The following SYNE2 variants were observed in gnomAD, a reference collection of about 807,000 sequenced individuals.
The protein encoded by SYNE2 is spectrin repeat containing nuclear envelope protein 2.
SYNE2 carries 431 observed loss-of-function variants against 856.3 expected under a neutral mutation model. That is an observed-to-expected ratio of 0.50 (90% CI 0.47 to 0.55). The LOEUF is 0.55. Among genes scored for constraint, SYNE2 ranks in the 20% least tolerant of loss-of-function variants. The pLI is 0.00. For synonymous variants in SYNE2, 2,923 were observed against 2,872.3 expected, an observed-to-expected ratio of 1.02 and a Z score of -0.56; for missense variants, 8,129 against 8,023.2, an observed-to-expected ratio of 1.01 and a Z score of -0.50.
rs78037438 is a variant in SYNE2 at position 64,015,818 on chromosome 14, A to G, written c.4729-655A>G. 1.4e-4 allele frequency among the ~76,000 whole-genome samples: 21 copies of G among 152,042 alleles called. No homozygotes were observed. The East Asian group carries it at 4.1e-3, about 29-fold the overall frequency. On this transcript the variant is annotated intron_variant, in intron 32 of 115. Transcript: ENST00000555002. ...ACTTTTCCTCATTTTTAATGTATGCATTTAGTGCTATAAATTTCCCTCTCA... is the reference window on the plus strand; with the variant it reads ...ACTTTTCCTCATTTTTAATGTATGCGTTTAGTGCTATAAATTTCCCTCTCA...
chr14:63,937,356 A>G (rs995622765), intron 2 of SYNE2, among the ~76,000 whole-genome samples: 2 of 152,054 alleles, frequency 1.3e-5, no homozygotes, highest in African/African-American at 4.8e-5. Context: ...TACTCATGGG[A>G]ATTGTTTAAG....
rs552659028 is a variant in SYNE2, at chr14:63,803,300, C to T, written c.-305+41314C>T. Among the ~76,000 whole-genome samples, 42 of 152,290 alleles carry T rather than the reference C, an allele frequency of 2.8e-4. 1 individual carries two copies. In the South Asian group the frequency reaches 8.1e-3, roughly 29 times the overall value. On this transcript the variant is annotated intron_variant, in intron 1 of 23. Transcript: ENST00000674003. ...CCTTTGGGTGGTCGATGGGACTGGGCGCCATGGAGCAGGGGGTGGTGCTAG... is the reference window on the plus strand; with the variant it reads ...CCTTTGGGTGGTCGATGGGACTGGGTGCCATGGAGCAGGGGGTGGTGCTAG...
At chr14:63,837,599 AAAAC>A (rs1889900170) in intron 1 of SYNE2, among the ~76,000 whole-genome samples, 1 of 152,126 alleles carries the variant, frequency 6.6e-6, no homozygotes, top group African/African-American at 2.4e-5. Context: ...CTCCACAGTA[AAAAC>A]AAACAATTCA....
chr14:64,082,897 A>T (rs1460046127), intron 57 of SYNE2, among the ~76,000 whole-genome samples: 1 of 152,204 alleles, frequency 6.6e-6, no homozygotes, highest in African/African-American at 2.4e-5. Context: ...GTCAAAACAA[A>T]TGAAAGTGTT....
At chr14:63,905,245 T>C (rs1278903397) in intron 1 of SYNE2, among the ~76,000 whole-genome samples, 1 of 152,232 alleles carries the variant, frequency 6.6e-6, no homozygotes, top group African/African-American at 2.4e-5. Flanking sequence ...GGTAGTGTGA[T>C]GGCTCTGGCT....
chr14:63,872,902 A>G (rs527742419), intron 1 of SYNE2, among the ~76,000 whole-genome samples: 1 of 151,714 alleles, frequency 6.6e-6, no homozygotes, highest in African/African-American at 2.4e-5. Flanking sequence ...TGATTCATTG[A>G]TTTTCATTGT....
intron 96 of SYNE2, among the ~76,000 whole-genome samples, chr14:64,182,936 G>C (rs1028537449): frequency 6.6e-6 from 1 of 152,158 alleles, no homozygotes. Flanking sequence ...GGGCAGAGGG[G>C]CTCCTCACTT....
chr14:64,052,032 A>G lies in SYNE2; in HGVS notation c.8119A>G (p.Asn2707Asp). 5 of 1,613,830 alleles carry G rather than the reference A, an allele frequency of 3.1e-6. No homozygotes were observed. Among genetic ancestry groups the G allele is most frequent in the Non-Finnish European group, 4.2e-6 (5 of 1,179,980 alleles). The change falls in exon 48 of 116, where the codon AAT becomes GAT. Residue 2707 changes from asparagine (N) to aspartate (D), a missense_variant. Physicochemically the swap from Asn to Asp is conservative, Grantham distance 23. This residue lies in a region of SYNE2 where 5,410 missense variants were observed against 5,284.8 expected (regional missense o/e 1.02). Transcript: ENST00000555002. ...AAAGAAGAATTTGGAGGATGGAATA[A>G]ATAACTTGAAGAAACAATGGGAAAC... ...KEKKNLEDGI[N>D]NLKKQWETLE... is the part of the protein sequence containing the mutation.
chr14:64,056,611 T>C (rs1182859260), intron 49 of SYNE2, among the ~76,000 whole-genome samples: 1 of 152,042 alleles, frequency 6.6e-6, no homozygotes, highest in African/African-American at 2.4e-5. Flanking sequence ...GCTCCTCCTC[T>C]CTCTTCTCAG....
intron 45 of SYNE2, among the ~76,000 whole-genome samples, chr14:64,037,507 C>A (rs374195438): frequency 6.6e-6 from 1 of 152,172 alleles, no homozygotes; most frequent in Non-Finnish European, 1.5e-5. Context: ...ACAGAACAAA[C>A]TGAAAAGTCT....
In SYNE2 at chr14:64,052,455, C is replaced by G; in HGVS notation, c.8542C>G (p.Leu2848Val). The G allele has an allele frequency of 6.2e-7, 1 of 1,613,004 alleles. No homozygotes were observed. The highest frequency in any genetic ancestry group is 8.5e-7 in the Non-Finnish European group (1 of 1,179,516). ...TTTTGCTATAATAAGGAAGTTTCAA[C>G]TTATGGTTCAAGAAAGTGAAACACT... ...NFFAIIRKFQ[L>V]MVQESETLII... Residue 2848 changes from leucine (L) to valine (V), a missense_variant, in exon 48 of 116, where the codon CTT becomes GTT. This residue lies in a region of SYNE2 where 5,410 missense variants were observed against 5,284.8 expected (regional missense o/e 1.02). Transcript: ENST00000555002.
chr14:64,154,190 A>G (rs1242448664), intron 85 of SYNE2, among the ~76,000 whole-genome samples: 2 of 151,458 alleles, frequency 1.3e-5, no homozygotes, highest in South Asian at 2.1e-4. Context: ...AAAAGACACA[A>G]GTATTAGAGC....
At position 64,021,460 on chromosome 14, in the gene SYNE2, C is replaced by T. The variant is rs1361087042; in HGVS notation, c.5297C>T (p.Ser1766Phe). The T allele has an allele frequency of 1.2e-6, 2 of 1,614,082 alleles. No homozygotes were observed. Among genetic ancestry groups the T allele is most frequent in the Non-Finnish European group, 1.7e-6 (2 of 1,180,014 alleles). Residue 1766 changes from serine to phenylalanine, a missense_variant, in exon 36 of 116, where the codon TCC becomes TTC. By Grantham distance (155) the Ser-to-Phe change is radical (BLOSUM62 -2). Transcript: ENST00000555002. ...AAGACCCAGATCGGGATGACTGAAT[C>T]CCTCTTAAAAGCCCTGTCTCCTTCT... ...QAKTQIGMTE[S>F]LLKALSPSDS...
At chr14:63,781,668 C>CTATATA (rs35409066) in intron 1 of SYNE2, among the ~76,000 whole-genome samples, 59 of 149,688 alleles carry the variant, frequency 3.9e-4, no homozygotes, top group South Asian at 1.3e-3. Context: ...TTCTCTCTCT[C>CTATATA]TATATATATA....
At chr14:64,220,309 G>A in intron 110 of SYNE2, 128 bp from the exon 111 acceptor site, 2 of 1,042,736 alleles carry the variant, frequency 1.9e-6, no homozygotes, top group South Asian at 2.7e-5. Context: ...TCCCAGGCGA[G>A]GTCACTCTCA....
At position 64,132,286 on chromosome 14, in the gene SYNE2, G is replaced by A. The variant is rs1485291476; in HGVS notation, c.14362G>A (p.Ala4788Thr). 1.9e-6 allele frequency: 3 copies of A among 1,613,506 alleles called. No individual in the cohort carries two copies. In the African/African-American group the frequency reaches 4.0e-5, roughly 22 times the overall value. The change falls in exon 77 of 116, where the codon GCT becomes ACT. Residue 4788 changes from alanine to threonine, a missense_variant. Ala to Thr is a moderately conservative substitution (Grantham distance 58). Transcript: ENST00000555002. Reference protein sequence around the residue: ...NHKVFFQKLVADMLLIQAYSA... With the variant: ...NHKVFFQKLVTDMLLIQAYSA... ...ATAGGTTTTTTTCCAGAAGCTTGTT[G>A]CTGACATGTTGTTGATCCAAGCATA...
intron 60 of SYNE2, among the ~76,000 whole-genome samples, chr14:64,091,357 TGTAAA>T (rs1261842604): frequency 6.6e-6 from 1 of 152,232 alleles, no homozygotes; most frequent in East Asian, 1.9e-4. Flanking sequence ...CCAACAGATC[TGTAAA>T]GTAATCATCA....
At chr14:63,791,999 T>C (rs542745804) in intron 1 of SYNE2, among the ~76,000 whole-genome samples, 1 of 148,042 alleles carries the variant, frequency 6.8e-6, no homozygotes, top group African/African-American at 2.5e-5. Context: ...AAAGAATACA[T>C]TGAAAGATAT....
intron 109 of SYNE2, 84 bp from the exon 110 acceptor site, chr14:64,219,124 T>TTTTTTTTTA (rs369808458): frequency 9.8e-5 from 83 of 846,214 alleles, no homozygotes; most frequent in Admixed American, 1.6e-4. Context: ...TTTTTTTTTT[T>TTTTTTTTTA]AACCACCCTG....
Sources: allele counts gnomAD v4.1 joint callset (sites outside exome capture counted in the v4.1 genomes callset), GRCh38; gene constraint gnomAD v4.1.1; regional missense constraint gnomAD v4.1.1; transcripts MANE v1.5; gene names NCBI Gene and HGNC (gene_info 2026-07-23, HGNC 2026-07-21).